Variants in CACHD1 observed in about 807,000 individuals in gnomAD.
CACHD1 encodes the protein VWFA and cache domain-containing protein 1.
Under a neutral mutation model 138.7 loss-of-function variants are expected in CACHD1, and 71 were observed. That is an observed-to-expected ratio of 0.51 (90% CI 0.42 to 0.62). The LOEUF (loss-of-function observed/expected upper bound fraction) is 0.62. Among genes scored for constraint, CACHD1 ranks in the 20% least tolerant of loss-of-function variants. The pLI is 0.00. For synonymous variants in CACHD1, 578 were observed against 591.5 expected, an observed-to-expected ratio of 0.98 and a Z score of 0.33; for missense variants, 1,389 against 1,625.3, an observed-to-expected ratio of 0.85 and a Z score of 2.50.
intron 3 of CACHD1, among the ~76,000 whole-genome samples, chr1:64,599,763 C>T (rs1647195166): frequency 6.6e-6 from 1 of 152,106 alleles, no homozygotes; most frequent in Non-Finnish European, 1.5e-5. Context: ...TCCCTGATGT[C>T]CCTGGTCCCA....
intron 1 of CACHD1, among the ~76,000 whole-genome samples, chr1:64,516,960 C>T (rs1646463723): frequency 6.6e-6 from 1 of 152,170 alleles, no homozygotes. Context: ...TCTGACTTCT[C>T]CACTTACTAG....
chr1:64,579,530 A>G (rs564056094), intron 2 of CACHD1, among the ~76,000 whole-genome samples: 1 of 152,334 alleles, frequency 6.6e-6, no homozygotes, highest in South Asian at 2.1e-4. Flanking sequence ...CCCAAGGGCA[A>G]TAAAGGACTA....
intron 4 of CACHD1, among the ~76,000 whole-genome samples, chr1:64,603,991 A>T (rs1865883): frequency 0.1 from 15,246 of 152,274 alleles, 804 homozygotes; most frequent in Middle Eastern, 0.19. Context: ...ATTGCTGGAA[A>T]GACAAAGCAT....
At chr1:64,516,501 C>G (rs775522711) in intron 1 of CACHD1, among the ~76,000 whole-genome samples, 4 of 152,110 alleles carry the variant, frequency 2.6e-5, no homozygotes, top group African/African-American at 4.8e-5. Context: ...AATGTTTACT[C>G]ATTTATGAGA....
chr1:64,538,607 A>T (rs907925706), intron 1 of CACHD1, among the ~76,000 whole-genome samples: 1 of 152,236 alleles, frequency 6.6e-6, no homozygotes, highest in Admixed American at 6.5e-5. Context: ...ACCAGACTGT[A>T]GAGCTAGTTC....
Position 64,664,568 on chromosome 1 carries a change from G to A in CACHD1, c.2165G>A (p.Ser722Asn). ...TDEWMTQMEMSSLNTYIVRRY... is the reference protein window; with the variant it reads ...TDEWMTQMEMNSLNTYIVRRY... ...GAATGGATGACACAAATGGAAATGA[G>A]TAGCCTGAACACTTACATTGTCCGC... The change falls in exon 15 of 27, where the codon AGT becomes AAT. Residue 722 changes from serine to asparagine, a missense_variant. Coordinates refer to ENST00000651257, the MANE Select transcript of CACHD1 (RefSeq NM_020925.4). 1 of 1,614,184 alleles carries A rather than the reference G, an allele frequency of 6.2e-7. No individual in the cohort carries two copies. Among genetic ancestry groups the A allele is most frequent in the Non-Finnish European group, 8.5e-7 (1 of 1,180,012 alleles).
At chr1:64,635,505 TCC>T in intron 7 of CACHD1, among the ~76,000 whole-genome samples, 1 of 148,974 alleles carries the variant, frequency 6.7e-6, no homozygotes, top group Non-Finnish European at 1.5e-5. Flanking sequence ...TGCCTCAGCC[TCC>T]TGAGTAGCTG....
rs1647235685 is a variant in CACHD1, at chr1:64,602,824, T to C, written c.429T>C (p.Asn143=). The C allele has an allele frequency of 6.2e-7, 1 of 1,612,440 alleles. No homozygotes were observed. Among genetic ancestry groups the C allele is most frequent in the Non-Finnish European group, 8.5e-7 (1 of 1,178,796 alleles). ...PSMMEFDGNF[N]TNVSRTISCD... is the part of the protein sequence containing the mutation. The stretch of plus-strand genomic sequence containing the variant: ...GTTTCAGATTCGATGGGAACTTTAA[T>C]ACCAATGTGTCTAGAACAATTAGTT... Residue 143 remains asparagine (N), a synonymous_variant, in exon 4 of 27, where the codon AAT becomes AAC. Coordinates refer to ENST00000651257, the MANE Select transcript of CACHD1 (RefSeq NM_020925.4).
At chr1:64,497,988 G>A (rs573581281) in intron 1 of CACHD1, among the ~76,000 whole-genome samples, 5 of 152,294 alleles carry the variant, frequency 3.3e-5, no homozygotes, top group African/African-American at 9.6e-5. Flanking sequence ...TTAGCTGGGC[G>A]TGGTGGTGCG....
chr1:64,614,874 GCTT>G (rs912648643), intron 4 of CACHD1, among the ~76,000 whole-genome samples: 13 of 152,066 alleles, frequency 8.5e-5, no homozygotes, highest in African/African-American at 3.1e-4. Context: ...AGGTTTCCCT[GCTT>G]CTCTTCCCTC....
At chr1:64,521,205 T>G (rs563369607) in intron 1 of CACHD1, among the ~76,000 whole-genome samples, 28 of 152,180 alleles carry the variant, frequency 1.8e-4, no homozygotes, top group Non-Finnish European at 3.4e-4. Context: ...GGTCTCAGTT[T>G]CCCTCCTAGC....
At chr1:64,685,316 G>A (rs986304749) in intron 26 of CACHD1, among the ~76,000 whole-genome samples, 22 of 152,184 alleles carry the variant, frequency 1.4e-4, no homozygotes, top group Admixed American at 1.0e-3. Flanking sequence ...GTAGTAGGCT[G>A]TATCATCTAG....
intron 1 of CACHD1, among the ~76,000 whole-genome samples, chr1:64,524,496 G>C (rs1646521832): frequency 6.6e-6 from 1 of 152,108 alleles, no homozygotes; most frequent in Non-Finnish European, 1.5e-5. Flanking sequence ...GGCCTGTTCT[G>C]TGCCTCAGTT....
intron 3 of CACHD1, among the ~76,000 whole-genome samples, chr1:64,591,611 A>G (rs1194164405): frequency 1.3e-5 from 2 of 152,226 alleles, no homozygotes; most frequent in African/African-American, 4.8e-5. Flanking sequence ...GAATTAATTT[A>G]TGAGTTCTTG....
At chr1:64,622,561 A>G (rs944168101) in intron 4 of CACHD1, among the ~76,000 whole-genome samples, 3 of 152,204 alleles carry the variant, frequency 2.0e-5, no homozygotes, top group African/African-American at 7.2e-5. Flanking sequence ...GCATGTTTAT[A>G]TATTTATTCT....
In CACHD1 at chr1:64,680,974, T is replaced by C. The variant is rs4915997; in HGVS notation, c.3407-284T>C. 9.0e-3 allele frequency among the ~76,000 whole-genome samples: 1,372 copies of C among 152,330 alleles called. 8 individuals are homozygous for C. The highest frequency in any genetic ancestry group is 0.024 in the Middle Eastern group (7 of 294). On this transcript the variant is annotated intron_variant, in intron 24 of 26. Transcript: ENST00000651257. ...AATCCCTTTCCTTCTGTTTCAGTAC[T>C]TTAGTAGAGGATTAAAGATTTGTTG...
At chr1:64,618,136 C>T (rs1417981497) in intron 4 of CACHD1, among the ~76,000 whole-genome samples, 2 of 149,026 alleles carry the variant, frequency 1.3e-5, no homozygotes, top group Non-Finnish European at 3.0e-5. Context: ...ATAAATAAAA[C>T]CTACCTCATA....
intron 7 of CACHD1, among the ~76,000 whole-genome samples, chr1:64,638,171 C>T (rs767088873): frequency 6.6e-6 from 1 of 152,162 alleles, no homozygotes; most frequent in Non-Finnish European, 1.5e-5. Flanking sequence ...AACAGTGTAG[C>T]AAGGGGTCTG....
At chr1:64,536,519 T>G (rs1557481398) in intron 1 of CACHD1, among the ~76,000 whole-genome samples, 1 of 152,222 alleles carries the variant, frequency 6.6e-6, no homozygotes, top group Non-Finnish European at 1.5e-5. Context: ...TCTAGTTCGG[T>G]GTGCAGTACA....
Sources: allele counts gnomAD v4.1 joint callset (sites outside exome capture counted in the v4.1 genomes callset), GRCh38; gene constraint gnomAD v4.1.1; transcripts MANE v1.5; gene names NCBI Gene and HGNC (gene_info 2026-07-23, HGNC 2026-07-21).